The following GRM7 variants were observed in gnomAD, a reference collection of about 807,000 sequenced individuals.
GRM7 encodes metabotropic glutamate receptor 7.
GRM7 carries 35 observed loss-of-function variants against 84.5 expected under a neutral mutation model. The observed-to-expected ratio is 0.41, with a 90% CI of 0.32 to 0.55. GRM7 has a LOEUF of 0.55. Ranked by LOEUF, GRM7 falls within the 20% of genes least tolerant of loss-of-function variation. GRM7 has a pLI of 0.19. For synonymous variants in GRM7, 487 were observed against 455.1 expected (o/e 1.07, Z -0.89); for missense variants, 1,003 against 1,194.6 (o/e 0.84, Z 2.36).
intron 2 of GRM7, among the ~76,000 whole-genome samples, chr3:7,193,411 T>C (rs1009352088): frequency 3.9e-5 from 6 of 152,080 alleles, no homozygotes; most frequent in African/African-American, 1.4e-4. Context: ...GCTTAGAAAT[T>C]CCAGGATGCA....
In GRM7 at chr3:7,418,075, A is replaced by G. The variant is rs148726317; in HGVS notation, c.1174+2912A>G. Among the ~76,000 whole-genome samples the G allele has an allele frequency of 3.9e-5, 6 of 152,318 alleles. No homozygotes were observed. In the East Asian group the frequency reaches 1.2e-3, roughly 29 times the overall value. On this transcript the variant is annotated intron_variant, in intron 5 of 9. Coordinates refer to ENST00000357716, the MANE Select transcript of GRM7 (RefSeq NM_000844.4). ...TGGGGCTAGATGTGCATGAATTCTT[A>G]TAGAAAATGACCTGAACAACTATGT...
intron 2 of GRM7, among the ~76,000 whole-genome samples, chr3:7,172,373 A>G (rs1454867519): frequency 6.6e-6 from 1 of 152,148 alleles, no homozygotes; most frequent in African/African-American, 2.4e-5. Context: ...TTTCCTAGCC[A>G]TGTATCTATG....
chr3:7,041,133 C>T (rs1230460007), intron 1 of GRM7, among the ~76,000 whole-genome samples: 4 of 150,822 alleles, frequency 2.7e-5, no homozygotes, highest in Non-Finnish European at 4.4e-5. Flanking sequence ...AAATTTTCAA[C>T]CACCTTTATC....
At chr3:7,079,698 T>C (rs2124995620) in intron 1 of GRM7, among the ~76,000 whole-genome samples, 1 of 152,114 alleles carries the variant, frequency 6.6e-6, no homozygotes, top group East Asian at 1.9e-4. Flanking sequence ...CCTGTGATGG[T>C]GGGATATTTA....
At chr3:7,691,566 T>C (rs1188454073) in intron 9 of GRM7, among the ~76,000 whole-genome samples, 1 of 152,338 alleles carries the variant, frequency 6.6e-6, no homozygotes. Flanking sequence ...AGATTCTGTA[T>C]ATGAAAGCCC....
At position 6,869,063 on chromosome 3, in the gene GRM7, G is replaced by A. The variant is rs148002179; in HGVS notation, c.519+7156G>A. The stretch of plus-strand genomic sequence containing the variant: ...AGGGCTCTTTAAACATTTTTATTAT[G>A]TTTTAAACTTGACTGTGTTCTGAAG... On this transcript the variant is annotated intron_variant, in intron 1 of 9. Transcript: ENST00000357716. 4.3e-3 allele frequency among the ~76,000 whole-genome samples: 655 copies of A among 152,142 alleles called. 8 individuals carry two copies. Among genetic ancestry groups the A allele is most frequent in the African/African-American group, 0.015 (604 of 41,506 alleles).
intron 2 of GRM7, among the ~76,000 whole-genome samples, chr3:7,198,289 G>A (rs2125111286): frequency 1.3e-5 from 2 of 152,208 alleles, no homozygotes; most frequent in Middle Eastern, 6.8e-3. Flanking sequence ...GTACACAAAG[G>A]AGTAATATTC....
chr3:7,008,712 G>T, intron 1 of GRM7, among the ~76,000 whole-genome samples: 1 of 152,020 alleles, frequency 6.6e-6, no homozygotes. Context: ...CTCATTTTGG[G>T]GCCAGAAGTG....
rs142981953 is a variant in GRM7, at chr3:7,199,778, C to T, written c.736+53110C>T. On this transcript the variant is annotated intron_variant, in intron 2 of 9. Transcript: ENST00000357716. Reference sequence around the variant, plus strand: ...GCCATGATTTATAACTTAGGTGGTACCCAATAATTTTTCTCTAAAGCCATA... The same window carrying T: ...GCCATGATTTATAACTTAGGTGGTATCCAATAATTTTTCTCTAAAGCCATA... 4.9e-3 allele frequency among the ~76,000 whole-genome samples: 743 copies of T among 152,190 alleles called. 5 individuals are homozygous for T. The highest frequency in any genetic ancestry group is 0.017 in the African/African-American group (695 of 41,524).
At chr3:7,350,214 A>G (rs1693076592) in intron 4 of GRM7, among the ~76,000 whole-genome samples, 4 of 152,112 alleles carry the variant, frequency 2.6e-5, no homozygotes. Flanking sequence ...AATTACTGAG[A>G]AAAAGTTTTT....
rs574282817 is a variant in GRM7 at position 7,570,594 on chromosome 3, T to G, written c.1516-7828T>G. 1.1e-4 allele frequency among the ~76,000 whole-genome samples: 17 copies of G among 152,318 alleles called. 1 individual carries two copies. In the South Asian group the frequency reaches 3.5e-3, roughly 32 times the overall value. On this transcript the variant is annotated intron_variant, in intron 7 of 9. Transcript: ENST00000357716. ...CTTAGGCAGCTCCACCCCTGTGGCTTTGCAGGGCACAGCCTTCCTTCTGGC... is the reference window on the plus strand; with the variant it reads ...CTTAGGCAGCTCCACCCCTGTGGCTGTGCAGGGCACAGCCTTCCTTCTGGC...
chr3:7,525,716 C>T (rs1700778674), intron 7 of GRM7, among the ~76,000 whole-genome samples: 1 of 152,082 alleles, frequency 6.6e-6, no homozygotes, highest in Non-Finnish European at 1.5e-5. Flanking sequence ...TCGTCCTCCC[C>T]ACTTTTTGAT....
intron 1 of GRM7, among the ~76,000 whole-genome samples, chr3:6,905,038 C>T (rs949145471): frequency 3.9e-5 from 6 of 152,068 alleles, no homozygotes; most frequent in South Asian, 2.1e-4. Context: ...TCTTAATATC[C>T]GGCAGGGCAA....
intron 1 of GRM7, among the ~76,000 whole-genome samples, chr3:6,881,756 T>C (rs1013625775): frequency 7.2e-5 from 11 of 152,164 alleles, no homozygotes; most frequent in Non-Finnish European, 1.5e-4. Flanking sequence ...CTGGTAGCGT[T>C]CTGTGGGCCA....
At chr3:7,240,143 T>TTTTTTTG (rs1559520793) in intron 2 of GRM7, among the ~76,000 whole-genome samples, 2 of 147,792 alleles carry the variant, frequency 1.4e-5, no homozygotes, top group Non-Finnish European at 3.0e-5. Flanking sequence ...TTTTTTTTTT[T>TTTTTTTG]TCCAGTGGCT....
intron 1 of GRM7, among the ~76,000 whole-genome samples, chr3:7,095,735 A>T (rs972638140): frequency 2.6e-5 from 4 of 152,126 alleles, no homozygotes; most frequent in Non-Finnish European, 5.9e-5. Context: ...TTCTAAAAAA[A>T]TTATGACTTC....
chr3:7,682,936 C>A (rs1004439798), intron 9 of GRM7, among the ~76,000 whole-genome samples: 1 of 152,134 alleles, frequency 6.6e-6, no homozygotes, highest in South Asian at 2.1e-4. Context: ...ACTGAGGAAA[C>A]CTTGGCTTCC....
At chr3:7,302,079 A>G (rs938532944) in intron 3 of GRM7, among the ~76,000 whole-genome samples, 1 of 152,178 alleles carries the variant, frequency 6.6e-6, no homozygotes, top group African/African-American at 2.4e-5. Flanking sequence ...ACTGGAAAAT[A>G]AAAGTTTTTT....
intron 5 of GRM7, among the ~76,000 whole-genome samples, chr3:7,433,729 C>A (rs1185634511): frequency 3.3e-5 from 5 of 152,140 alleles, no homozygotes; most frequent in African/African-American, 1.2e-4. Flanking sequence ...TTCATTGACA[C>A]AACTAAAATA....
Sources: allele counts gnomAD v4.1 joint callset (sites outside exome capture counted in the v4.1 genomes callset), GRCh38; gene constraint gnomAD v4.1.1; transcripts MANE v1.5; gene names NCBI Gene and HGNC (gene_info 2026-07-23, HGNC 2026-07-21).